DMXL1: variants seen among roughly 807,000 people sequenced by gnomAD.
DMXL1 encodes dmX-like protein 1.
A neutral mutation model predicts 319.2 loss-of-function variants in DMXL1; 99 were observed. The observed-to-expected ratio is 0.31, with a 90% CI of 0.26 to 0.37. DMXL1 has a LOEUF of 0.37. DMXL1 is among the 10% of genes least tolerant of loss of function. The pLI, the probability that DMXL1 is intolerant of heterozygous loss-of-function variation, is 1.00. For synonymous variants in DMXL1, 1,385 were observed against 1,235.2 expected (o/e 1.12, Z -2.54); for missense variants, 3,745 against 3,595.6 (o/e 1.04, Z -1.06).
At chr5:119,130,565 A>G (rs538883064) in intron 10 of DMXL1, among the ~76,000 whole-genome samples, 104 of 152,046 alleles carry the variant, frequency 6.8e-4, no homozygotes, top group African/African-American at 2.4e-3. Flanking sequence ...CTGGTCTCGA[A>G]CTCCTGACCT....
chr5:119,167,461 A>G, intron 22 of DMXL1, 142 bp from the exon 23 acceptor site: 5 of 684,746 alleles, frequency 7.3e-6, no homozygotes, highest in Non-Finnish European at 9.6e-6. Flanking sequence ...AGCAAGCAGC[A>G]TATGTTTTGT....
intron 1 of DMXL1, among the ~76,000 whole-genome samples, chr5:119,093,539 C>T (rs536566361): frequency 6.6e-6 from 1 of 152,302 alleles, no homozygotes; most frequent in South Asian, 2.1e-4. Flanking sequence ...TCCCTATTCA[C>T]TGAGACACAA....
chr5:119,150,448 A>G (rs781689511), intron 18 of DMXL1, 27 bp downstream of exon 18: 6 of 1,549,532 alleles, frequency 3.9e-6, no homozygotes, highest in Non-Finnish European at 3.5e-6. Context: ...TACTGATAAC[A>G]TTTTTACTTA....
At position 119,146,897 on chromosome 5, in the gene DMXL1, A is replaced by G; in HGVS notation, c.2630A>G (p.Asp877Gly). Residue 877 changes from aspartate (D) to glycine (G), a missense_variant, in exon 16 of 44, where the codon GAC (aspartate) becomes GGC (glycine). Coordinates refer to ENST00000539542, the MANE Select transcript of DMXL1 (RefSeq NM_001290321.3). Reference sequence around the variant, plus strand: ...CTAATTGTAATAGAATGCACTCAAGACAACCGTTCACTGTTACACATGTGG... The same window carrying G: ...CTAATTGTAATAGAATGCACTCAAGGCAACCGTTCACTGTTACACATGTGG... ...FYLIVIECTQ[D>G]NRSLLHMWNL... 1 of 1,612,046 alleles carries G rather than the reference A, an allele frequency of 6.2e-7. No homozygotes were observed. Among genetic ancestry groups the G allele is most frequent in the Non-Finnish European group, 8.5e-7 (1 of 1,178,712 alleles).
At chr5:119,126,187 G>A (rs925320449) in intron 9 of DMXL1, among the ~76,000 whole-genome samples, 1 of 152,176 alleles carries the variant, frequency 6.6e-6, no homozygotes, top group Non-Finnish European at 1.5e-5. Flanking sequence ...GGAGGCTGAG[G>A]CAGGAGAATC....
At chr5:119,240,621 G>C (rs927051410) in intron 42 of DMXL1, 150 bp downstream of exon 42, 22 of 586,958 alleles carry the variant, frequency 3.7e-5, no homozygotes, top group Non-Finnish European at 6.3e-5. Flanking sequence ...AAAGCAAAAA[G>C]ATGCAATATA....
chr5:119,205,215 A>T lies in DMXL1; in HGVS notation c.7864-1619A>T, dbSNP rs116741925. Among the ~76,000 whole-genome samples, 340 of 152,216 alleles carry T rather than the reference A, an allele frequency of 2.2e-3. 1 individual carries two copies. Among genetic ancestry groups the T allele is most frequent in the African/African-American group, 7.9e-3 (330 of 41,540 alleles). On this transcript the variant is annotated intron_variant, in intron 33 of 43. Coordinates refer to ENST00000539542, the MANE Select transcript of DMXL1 (RefSeq NM_001290321.3). ...AAAATCTTATTTTTCTACTGCCGAT[A>T]TATTTGGGTATTTGGGAAATGAAGT... is the stretch of plus-strand genomic sequence containing the variant.
intron 29 of DMXL1, 105 bp from the exon 30 acceptor site, chr5:119,193,723 T>A: frequency 9.1e-7 from 1 of 1,097,722 alleles, no homozygotes; most frequent in Non-Finnish European, 1.3e-6. Context: ...AACTCTCTTA[T>A]AATGAAGTAT....
rs1768654840 is a variant in DMXL1 at position 119,146,828 on chromosome 5, T to C, written c.2570-9T>C. 1 of 1,608,580 alleles carries C rather than the reference T, an allele frequency of 6.2e-7. No homozygotes were observed. Among genetic ancestry groups the C allele is most frequent in the Non-Finnish European group, 8.5e-7 (1 of 1,177,620 alleles). The stretch of plus-strand genomic sequence containing the variant: ...TAGTAACAGTGAAAAATATCATTAA[T>C]ACCAACAGGCAGCTCACCTAATGGA... On this transcript the variant is annotated splice_polypyrimidine_tract_variant and intron_variant, in intron 15 of 43. Transcript: ENST00000539542.
chr5:119,246,347 C>A (rs1200812491), intron 43 of DMXL1, among the ~76,000 whole-genome samples: 1 of 152,142 alleles, frequency 6.6e-6, no homozygotes, highest in Non-Finnish European at 1.5e-5. Context: ...GGCAAAAGCT[C>A]TGCTGAGAGA....
At chr5:119,229,238 A>G (rs1786197244) in intron 38 of DMXL1, among the ~76,000 whole-genome samples, 1 of 151,936 alleles carries the variant, frequency 6.6e-6, no homozygotes, top group South Asian at 2.1e-4. Flanking sequence ...TAATATTAAC[A>G]TTAGGTCTAG....
chr5:119,233,788 G>A (rs566818641), intron 39 of DMXL1, among the ~76,000 whole-genome samples: 1 of 152,108 alleles, frequency 6.6e-6, no homozygotes, highest in Non-Finnish European at 1.5e-5. Flanking sequence ...TGATCCAGCA[G>A]CAAGTAACAT....
intron 38 of DMXL1, among the ~76,000 whole-genome samples, chr5:119,230,363 A>C (rs905170719): frequency 6.6e-6 from 1 of 152,236 alleles, no homozygotes; most frequent in African/African-American, 2.4e-5. Context: ...CTATCTTTCT[A>C]AAAGTTTAAG....
At chr5:119,219,559 TAA>T (rs1491406286) in intron 35 of DMXL1, among the ~76,000 whole-genome samples, 11 of 151,418 alleles carry the variant, frequency 7.3e-5, no homozygotes, top group African/African-American at 2.7e-4. Context: ...CACATTTAAT[TAA>T]TTAATTAATT....
intron 1 of DMXL1, among the ~76,000 whole-genome samples, chr5:119,080,085 G>T (rs1001750362): frequency 6.6e-6 from 1 of 152,146 alleles, no homozygotes; most frequent in Admixed American, 6.5e-5. Flanking sequence ...TGTTCTGCAC[G>T]CCTGTAATCC....
intron 42 of DMXL1, among the ~76,000 whole-genome samples, chr5:119,243,713 AT>A (rs1168614777): frequency 6.6e-6 from 1 of 152,052 alleles, no homozygotes; most frequent in African/African-American, 2.4e-5. Context: ...CATGCCTCTA[AT>A]TAACTTAAAA....
chr5:119,128,393 T>C (rs1327896364), intron 9 of DMXL1: 2 of 227,692 alleles, frequency 8.8e-6, no homozygotes, highest in Non-Finnish European at 1.8e-5. Context: ...TGAGCTACCA[T>C]GCTGCTGTTG....
rs1351390777 is a variant in DMXL1 at position 119,114,470 on chromosome 5, TA to T, written c.498-4del. ...CAAATTATTCCTTATCTGTTTAATT[TA>T]CAGAACTGCTTCCCAAGTTCATTTA... On this transcript the variant is annotated splice_region_variant and splice_polypyrimidine_tract_variant and intron_variant, in intron 5 of 43. Transcript: ENST00000539542. 6.3e-7 allele frequency: 1 copy of T among 1,597,826 alleles called. No homozygotes were observed. The highest frequency in any genetic ancestry group is 2.2e-5 in the East Asian group (1 of 44,602).
rs147021587 is a variant in DMXL1, at chr5:119,178,142, C to T, written c.7033C>T (p.Arg2345Trp). 2.0e-5 allele frequency: 32 copies of T among 1,613,842 alleles called. No individual in the cohort carries two copies. Among genetic ancestry groups the T allele is most frequent in the Non-Finnish European group, 2.3e-5 (27 of 1,179,874 alleles). The change falls in exon 28 of 44, where the codon CGG (arginine) becomes TGG (tryptophan). Residue 2345 changes from arginine (R) to tryptophan (W), a missense_variant. By Grantham distance (101) the Arg-to-Trp change is moderately radical (BLOSUM62 -3). This residue lies in a region of DMXL1 where 1,382 missense variants were observed against 1,269.5 expected (regional missense o/e 1.09). Transcript: ENST00000539542. Reference sequence around the variant, plus strand: ...CACACATTCAAGTAATGAGCTATTTCGGATTGTGGCCCATCCTCTAAATGA... The same window carrying T: ...CACACATTCAAGTAATGAGCTATTTTGGATTGTGGCCCATCCTCTAAATGA... Reference protein sequence around the residue: ...LATHSSNELFRIVAHPLNEKM... With the variant: ...LATHSSNELFWIVAHPLNEKM...
Sources: gnomAD v4.1 joint callset for allele counts (sites outside exome capture counted in the v4.1 genomes callset) on GRCh38, gnomAD v4.1.1 for gene constraint, gnomAD v4.1.1 regional missense constraint, MANE v1.5 for transcripts, NCBI Gene and HGNC (gene_info 2026-07-23, HGNC 2026-07-21) for gene names.